The following SAXO4 variants were observed in gnomAD, a reference collection of about 807,000 sequenced individuals.
SAXO4 encodes the protein stabilizer of axonemal microtubules 4.
the SAXO4 span, chr11:61,486,418 G>T: frequency 3.1e-6 from 5 of 1,614,072 alleles, no homozygotes; most frequent in Admixed American, 6.7e-5. Flanking sequence ...GCTGAGCTAG[G>T]GGGAGGCTGG....
chr11:61,485,733 T>C, the SAXO4 span: 10 of 1,243,834 alleles, frequency 8.0e-6, no homozygotes, highest in Admixed American at 8.8e-5. Context: ...GCTGGGACAC[T>C]GAGCCTCTGG....
the SAXO4 span, chr11:61,487,116 A>G: frequency 1.2e-6 from 2 of 1,612,410 alleles, no homozygotes; most frequent in Middle Eastern, 1.6e-4. Context: ...TTCTGACTTG[A>G]CAATTCCCCT....
chr11:61,482,628 G>A, the SAXO4 span: 1 of 1,613,514 alleles, frequency 6.2e-7, no homozygotes, highest in African/African-American at 1.3e-5. Flanking sequence ...CAGGCGGCCT[G>A]GGGTTCTAGC....
At chr11:61,482,481 C>T in the SAXO4 span, 2 of 1,578,178 alleles carry the variant, frequency 1.3e-6, no homozygotes, top group Non-Finnish European at 1.7e-6. Context: ...CAGACCAACT[C>T]CAGGTTCCTT....
the SAXO4 span, among the ~76,000 whole-genome samples, chr11:61,488,461 C>T: frequency 5.9e-5 from 9 of 152,140 alleles, no homozygotes; most frequent in Non-Finnish European, 8.8e-5. Context: ...CCTGCCACCA[C>T]GCCCGGCTAC....
chr11:61,489,859 G>A, the SAXO4 span: 1 of 1,613,862 alleles, frequency 6.2e-7, no homozygotes, highest in Non-Finnish European at 8.5e-7. Context: ...ATGCCAGGAG[G>A]CTACGCCCTC....
chr11:61,486,310 G>C, the SAXO4 span: 1 of 1,611,474 alleles, frequency 6.2e-7, no homozygotes, highest in Admixed American at 1.7e-5. Flanking sequence ...GGCTGCCTCT[G>C]CGGGGCTGAC....
the SAXO4 span, chr11:61,490,724 G>A: frequency 1.4e-6 from 1 of 722,790 alleles, no homozygotes; most frequent in South Asian, 1.6e-5. Flanking sequence ...CAGATCAGGG[G>A]GCCTCTCAGA....
chr11:61,489,845 C>T, the SAXO4 span: 1 of 1,613,994 alleles, frequency 6.2e-7, no homozygotes, highest in Non-Finnish European at 8.5e-7. Context: ...GCATCCAGCC[C>T]CAGATGCCAG....
chr11:61,484,785 A>G, the SAXO4 span: 5 of 1,608,780 alleles, frequency 3.1e-6, no homozygotes, highest in South Asian at 3.3e-5. Flanking sequence ...CAGCAGGGCC[A>G]GGACCCGCTG....
chr11:61,483,455 T>C, the SAXO4 span, among the ~76,000 whole-genome samples: 21 of 152,016 alleles, frequency 1.4e-4, 1 homozygote, highest in East Asian at 3.1e-3. Flanking sequence ...CGTGAGCCAC[T>C]GCGCCCAGCC....
At chr11:61,484,944 C>A in the SAXO4 span, 3 of 1,178,050 alleles carry the variant, frequency 2.5e-6, no homozygotes, top group Non-Finnish European at 3.5e-6. Flanking sequence ...CTCAGGGCGC[C>A]AAGAAAGATG....
chr11:61,486,346 C>A, the SAXO4 span: 1 of 1,613,734 alleles, frequency 6.2e-7, no homozygotes, highest in Non-Finnish European at 8.5e-7. Context: ...ATTTCCAGGC[C>A]CTCCTCCCAG....
At chr11:61,486,372 AG>A in the SAXO4 span, 1 of 1,614,142 alleles carries the variant, frequency 6.2e-7, no homozygotes. Context: ...AGTGTCACCA[AG>A]TCAGACTTCC....
the SAXO4 span, chr11:61,490,852 T>G: frequency 1.9e-5 from 10 of 525,870 alleles, 1 homozygote; most frequent in South Asian, 1.8e-4. Context: ...GGCTACTGTC[T>G]GTACCCCCAC....
chr11:61,486,332 G>A, the SAXO4 span: 1 of 1,613,144 alleles, frequency 6.2e-7, no homozygotes, highest in Non-Finnish European at 8.5e-7. Flanking sequence ...TCCTCTGTGG[G>A]CCTATTTCCA....
chr11:61,488,671 C>T, the SAXO4 span, among the ~76,000 whole-genome samples: 2 of 152,148 alleles, frequency 1.3e-5, no homozygotes, highest in African/African-American at 2.4e-5. Context: ...TCAAGGTGTC[C>T]CTGCCACCTC....
At chr11:61,482,192 G>A in the SAXO4 span, 1 of 861,282 alleles carries the variant, frequency 1.2e-6, no homozygotes, top group South Asian at 1.6e-5. Flanking sequence ...TCCTGCCCGT[G>A]GCTCTGAGCC....
the SAXO4 span, chr11:61,489,588 G>A: frequency 8.5e-5 from 53 of 622,840 alleles, no homozygotes; most frequent in South Asian, 9.4e-5. Flanking sequence ...GTGTTTCAGC[G>A]TCAGGTGGAG....
Sources: allele counts gnomAD v4.1 joint callset (sites outside exome capture counted in the v4.1 genomes callset), GRCh38; gene constraint gnomAD v4.1.1; transcripts MANE v1.5; gene names NCBI Gene and HGNC (gene_info 2026-07-23, HGNC 2026-07-21).